The following SREK1IP1 variants were observed in gnomAD, a reference collection of about 807,000 sequenced individuals.
SREK1IP1 encodes SREK1 interacting protein 1.
Under a neutral mutation model 22.8 loss-of-function variants are expected in SREK1IP1, and 12 were observed. That is an observed-to-expected ratio of 0.53 (90% CI 0.34 to 0.85). The LOEUF is 0.85. Ranked by LOEUF, SREK1IP1 falls within the 40% of genes least tolerant of loss-of-function variation. SREK1IP1 has a pLI of 0.02. For synonymous variants in SREK1IP1, 53 were observed against 52.7 expected, an observed-to-expected ratio of 1.01 and a Z score of -0.02; for missense variants, 147 against 171.8, an observed-to-expected ratio of 0.86 and a Z score of 0.81.
At chr5:64,736,119 T>C (rs572871146) in intron 3 of SREK1IP1, among the ~76,000 whole-genome samples, 4 of 152,224 alleles carry the variant, frequency 2.6e-5, no homozygotes, top group Non-Finnish European at 5.9e-5. Context: ...CAATAGACTA[T>C]TTACAATTAC....
chr5:64,760,377 T>C (rs775937522), intron 1 of SREK1IP1, among the ~76,000 whole-genome samples: 71 of 152,110 alleles, frequency 4.7e-4, no homozygotes, highest in Non-Finnish European at 9.6e-4. Context: ...GACAATAACA[T>C]ACAGATAAGA....
intron 2 of SREK1IP1, among the ~76,000 whole-genome samples, chr5:64,748,627 G>C (rs1221153314): frequency 2.0e-5 from 3 of 152,072 alleles, no homozygotes; most frequent in Non-Finnish European, 4.4e-5. Flanking sequence ...TTCTGATTTG[G>C]AACAATAACA....
chr5:64,732,253 C>G (rs1369700870), intron 3 of SREK1IP1, among the ~76,000 whole-genome samples: 1 of 152,008 alleles, frequency 6.6e-6, no homozygotes, highest in African/African-American at 2.4e-5. Context: ...ATTTTTGAAG[C>G]TCACCTATTT....
rs549808991 is a variant in SREK1IP1 at position 64,734,406 on chromosome 5, AT to A, written c.206-6228del. 3.7e-3 allele frequency among the ~76,000 whole-genome samples: 554 copies of A among 151,404 alleles called. 4 individuals are homozygous for A. The highest frequency in any genetic ancestry group is 0.011 in the African/African-American group (474 of 41,284). ...CAAGTACTTTAGAATTGGCTTGTCA[AT>A]TTTTTTTATTTTTATTTTTAGAGAT... is the stretch of plus-strand genomic sequence containing the variant. On this transcript the variant is annotated intron_variant, in intron 3 of 4. Coordinates refer to ENST00000513458, the MANE Select transcript of SREK1IP1 (RefSeq NM_173829.4).
chr5:64,752,456 ATTTCT>A (rs1742765755), intron 2 of SREK1IP1, among the ~76,000 whole-genome samples: 2 of 152,034 alleles, frequency 1.3e-5, no homozygotes. Context: ...TGGCCTGTGA[ATTTCT>A]TTTAAGTTAA....
chr5:64,727,553 A>ATATATTTTTTTTT, intron 4 of SREK1IP1: 4 of 84,716 alleles, frequency 4.7e-5, no homozygotes, highest in African/African-American at 2.2e-4. Flanking sequence ...ATATATATAT[A>ATATATTTTTTTTT]TTTTTTTTTT....
rs1401670023 is a variant in SREK1IP1 at position 64,722,357 on chromosome 5, AACTT to A, written c.*2023_*2026del. ...TAATCTCTACAATTAACAGTAATAA[AACTT>A]ACAAGTAATTAACTATTTCACTACA... On this transcript the variant is annotated 3_prime_UTR_variant, in exon 5 of 5. Coordinates refer to ENST00000513458, the MANE Select transcript of SREK1IP1 (RefSeq NM_173829.4). The A allele has an allele frequency of 6.6e-6, 1 of 152,224 alleles. No individual in the cohort carries two copies. Among genetic ancestry groups the A allele is most frequent in the African/African-American group, 2.4e-5 (1 of 41,448 alleles). The allele number at this position is 152,224 out of a possible 1,614,324, so 9.4% of individuals were successfully genotyped here. A position where few individuals can be genotyped will look rare whatever the true frequency, so the allele number is the denominator to read the frequency against.
intron 4 of SREK1IP1, among the ~76,000 whole-genome samples, chr5:64,726,306 A>AATATCTCATGTAATTTATTG: frequency 6.6e-6 from 1 of 150,788 alleles, no homozygotes; most frequent in East Asian, 1.9e-4. Context: ...AGGCCCAAAT[A>AATATCTCATGTAATTTATTG]AATAATCTGT....
intron 4 of SREK1IP1, chr5:64,727,558 T>C (rs1742297756): frequency 6.9e-6 from 1 of 144,002 alleles, no homozygotes; most frequent in South Asian, 2.1e-4. Context: ...TATATATTTT[T>C]TTTTTTTTGG....
intron 1 of SREK1IP1, among the ~76,000 whole-genome samples, chr5:64,758,945 A>T (rs898190744): frequency 6.6e-6 from 1 of 152,158 alleles, no homozygotes; most frequent in Non-Finnish European, 1.5e-5. Context: ...TTAGTCTTTA[A>T]TTTTCGTGAT....
At chr5:64,754,581 A>C (rs944290361) in intron 1 of SREK1IP1, 6 of 452,810 alleles carry the variant, frequency 1.3e-5, no homozygotes, top group Non-Finnish European at 2.4e-5. Flanking sequence ...CTCCTACCTT[A>C]GCCTCCCAAG....
intron 1 of SREK1IP1, among the ~76,000 whole-genome samples, chr5:64,763,154 T>C (rs933718703): frequency 1.3e-5 from 2 of 152,210 alleles, no homozygotes; most frequent in Non-Finnish European, 2.9e-5. Context: ...TGTTTACTGA[T>C]ATGAGATTTA....
chr5:64,755,833 A>T (rs1320610628), intron 1 of SREK1IP1, among the ~76,000 whole-genome samples: 2 of 151,872 alleles, frequency 1.3e-5, no homozygotes, highest in African/African-American at 2.4e-5. Context: ...AAAATAATTT[A>T]TATATATATG....
intron 3 of SREK1IP1, among the ~76,000 whole-genome samples, chr5:64,733,784 T>C (rs1742415361): frequency 6.6e-6 from 1 of 152,112 alleles, no homozygotes; most frequent in Non-Finnish European, 1.5e-5. Context: ...AGTATATCCA[T>C]AACATACACT....
intron 2 of SREK1IP1, among the ~76,000 whole-genome samples, chr5:64,747,136 T>G (rs1227923354): frequency 2.0e-5 from 3 of 152,178 alleles, no homozygotes; most frequent in Non-Finnish European, 4.4e-5. Flanking sequence ...ACCCAGCAGC[T>G]CTCTGTACCC....
rs199610576 is a variant in SREK1IP1, at chr5:64,741,050, T to G, written c.205+7A>C. ...ATTTCTAAAGAATGGAAAAAAATAT[T>G]GCTTACTTTTTTCCTGTAATGCCTG... On this transcript the variant is annotated splice_region_variant and intron_variant, in intron 3 of 4. Coordinates refer to ENST00000513458, the MANE Select transcript of SREK1IP1 (RefSeq NM_173829.4). 6.2e-7 allele frequency: 1 copy of G among 1,606,740 alleles called. No homozygotes were observed. The highest frequency in any genetic ancestry group is 8.5e-7 in the Non-Finnish European group (1 of 1,176,524).
At chr5:64,750,975 C>T (rs1742729976) in intron 2 of SREK1IP1, among the ~76,000 whole-genome samples, 1 of 152,150 alleles carries the variant, frequency 6.6e-6, no homozygotes, top group African/African-American at 2.4e-5. Flanking sequence ...TTGTACCTCT[C>T]TCATGGAAAT....
intron 2 of SREK1IP1, among the ~76,000 whole-genome samples, chr5:64,751,079 A>G (rs1441969614): frequency 1.3e-5 from 2 of 152,134 alleles, no homozygotes; most frequent in African/African-American, 4.8e-5. Flanking sequence ...CTACAAATCT[A>G]CTTAAACTGA....
intron 2 of SREK1IP1, among the ~76,000 whole-genome samples, chr5:64,753,244 G>C (rs1742779424): frequency 6.6e-6 from 1 of 152,148 alleles, no homozygotes; most frequent in South Asian, 2.1e-4. Context: ...AGCATTTGTA[G>C]GTTCTTAATT....
Sources: gnomAD v4.1 joint callset for allele counts (sites outside exome capture counted in the v4.1 genomes callset) on GRCh38, gnomAD v4.1.1 for gene constraint, MANE v1.5 for transcripts, NCBI Gene and HGNC (gene_info 2026-07-23, HGNC 2026-07-21) for gene names.